ADAMTS6: variants seen among roughly 807,000 people sequenced by gnomAD.
ADAMTS6 encodes A disintegrin and metalloproteinase with thrombospondin motifs 6.
A neutral mutation model predicts 144.3 loss-of-function variants in ADAMTS6; 23 were observed. That is an observed-to-expected ratio of 0.16 (90% CI 0.11 to 0.23). The LOEUF (loss-of-function observed/expected upper bound fraction) is 0.23. Among genes scored for constraint, ADAMTS6 ranks in the 10% least tolerant of loss-of-function variants. ADAMTS6 has a pLI of 1.00. For synonymous variants in ADAMTS6, 444 were observed against 457.5 expected (o/e 0.97, Z 0.38); for missense variants, 999 against 1,379.6 (o/e 0.72, Z 4.37).
At chr5:65,260,463 C>T in intron 14 of ADAMTS6, 137 bp downstream of exon 14, 1 of 673,590 alleles carries the variant, frequency 1.5e-6, no homozygotes, top group Non-Finnish European at 2.6e-6. Context: ...CAGCTCCATT[C>T]ATTATTAACA....
At chr5:65,358,131 A>G (rs1169120895) in intron 7 of ADAMTS6, among the ~76,000 whole-genome samples, 3 of 151,992 alleles carry the variant, frequency 2.0e-5, no homozygotes, top group African/African-American at 7.2e-5. Context: ...ATCATTCACC[A>G]TGAGTAAATG....
chr5:65,460,051 A>ACC, intron 4 of ADAMTS6, 119 bp downstream of exon 4: 1 of 1,110,848 alleles, frequency 9.0e-7, no homozygotes, highest in Non-Finnish European at 1.2e-6. Flanking sequence ...GGCTCTGGAC[A>ACC]TTATAATTGT....
At chr5:65,283,485 A>G (rs1260095725) in intron 11 of ADAMTS6, among the ~76,000 whole-genome samples, 14 of 152,230 alleles carry the variant, frequency 9.2e-5, no homozygotes, top group Non-Finnish European at 1.5e-5. Context: ...AAAAACCTCT[A>G]AGAAGCAAAT....
At position 65,420,961 on chromosome 5, in the gene ADAMTS6, C is replaced by T. The variant is rs374094215; in HGVS notation, c.1073+30514G>A. On this transcript the variant is annotated intron_variant, in intron 7 of 24. Transcript: ENST00000381055. ...TACCTCGAGTCTGTAAGAATTCTTA[C>T]ATGTTAAATGAGTCTCTTGAAAAAA... 2.6e-4 allele frequency among the ~76,000 whole-genome samples: 39 copies of T among 152,170 alleles called. No individual in the cohort carries two copies. In the Middle Eastern group the frequency reaches 0.024, roughly 94 times the overall value.
intron 7 of ADAMTS6, among the ~76,000 whole-genome samples, chr5:65,433,838 A>G (rs1757181833): frequency 6.6e-6 from 1 of 152,194 alleles, no homozygotes; most frequent in African/African-American, 2.4e-5. Context: ...GCCACTTTGG[A>G]AAACAGCCTG....
chr5:65,176,123 A>G (rs557003382), intron 22 of ADAMTS6, among the ~76,000 whole-genome samples: 2 of 140,598 alleles, frequency 1.4e-5, no homozygotes, highest in South Asian at 4.3e-4. Context: ...AAAAGGGAAA[A>G]AAAGGGGGGG....
intron 3 of ADAMTS6, among the ~76,000 whole-genome samples, chr5:65,468,240 A>T (rs1760173638): frequency 6.6e-6 from 1 of 152,174 alleles, no homozygotes; most frequent in South Asian, 2.1e-4. Context: ...CTCTGCATTA[A>T]CAACTATTTT....
chr5:65,196,541 A>G (rs1755386640), intron 21 of ADAMTS6, among the ~76,000 whole-genome samples: 1 of 150,006 alleles, frequency 6.7e-6, no homozygotes, highest in Non-Finnish European at 1.5e-5. Context: ...AAAAAAAAAA[A>G]AAAAAAAAAA....
intron 7 of ADAMTS6, among the ~76,000 whole-genome samples, chr5:65,386,527 T>G (rs1752487075): frequency 6.6e-6 from 1 of 152,170 alleles, no homozygotes; most frequent in Admixed American, 6.5e-5. Context: ...TAATTTATAC[T>G]ACCAAGCACA....
intron 9 of ADAMTS6, among the ~76,000 whole-genome samples, chr5:65,326,113 T>C (rs1746145011): frequency 6.6e-6 from 1 of 152,142 alleles, no homozygotes; most frequent in Admixed American, 6.6e-5. Context: ...TGAGTATTTT[T>C]AAGACCCCTT....
At chr5:65,402,964 C>T (rs1198206072) in intron 7 of ADAMTS6, among the ~76,000 whole-genome samples, 1 of 152,014 alleles carries the variant, frequency 6.6e-6, no homozygotes, top group Non-Finnish European at 1.5e-5. Flanking sequence ...ACTTCCTTTT[C>T]TTCCTTTTTT....
chr5:65,256,985 C>CTCTCTCTTT (rs765554792), intron 14 of ADAMTS6, among the ~76,000 whole-genome samples: 11 of 88,672 alleles, frequency 1.2e-4, no homozygotes, highest in African/African-American at 1.7e-4. Flanking sequence ...CTCTCTCTCT[C>CTCTCTCTTT]TTTTTTTTTT....
At chr5:65,319,704 GAGGGAGGGAGGGA>G (rs1745366922) in intron 9 of ADAMTS6, among the ~76,000 whole-genome samples, 1 of 47,786 alleles carries the variant, frequency 2.1e-5, no homozygotes, top group African/African-American at 1.3e-4. Flanking sequence ...GGAAGGGAGG[GAGGGAGGGAGGGA>G]AGGGAGGGAG....
chr5:65,202,785 T>C (rs902007614), intron 20 of ADAMTS6, among the ~76,000 whole-genome samples: 2 of 152,214 alleles, frequency 1.3e-5, no homozygotes, highest in African/African-American at 2.4e-5. Context: ...TGTTCCTTTG[T>C]TTTTTCTCAT....
Position 65,273,409 on chromosome 5 carries a change from G to T in ADAMTS6, c.1551C>A (p.Asn517Lys). The T allele has an allele frequency of 1.2e-6, 2 of 1,613,876 alleles. No homozygotes were observed. Among genetic ancestry groups the T allele is most frequent in the South Asian group, 1.1e-5 (1 of 91,064 alleles). The change falls in exon 12 of 25, where the codon AAC (asparagine) becomes AAA (lysine). Residue 517 changes from asparagine (N) to lysine (K), a missense_variant. Physicochemically the swap from Asn to Lys is moderately conservative, Grantham distance 94. Around this residue, in one of 3 missense-constraint regions of ADAMTS6, gnomAD observed 619 missense variants for 837.0 expected, o/e 0.74. Coordinates refer to ENST00000381055, the MANE Select transcript of ADAMTS6 (RefSeq NM_197941.4). ...CTGGAATACTGTTGGTGACACAGCG[G>T]TTGCTTTTGCTGAGACACCAGAGCT... ...CRELWCLSKS[N>K]RCVTNSIPAA... is the part of the protein sequence containing the mutation.
At chr5:65,325,563 A>T (rs1746082339) in intron 9 of ADAMTS6, among the ~76,000 whole-genome samples, 1 of 150,594 alleles carries the variant, frequency 6.6e-6, no homozygotes, top group East Asian at 2.0e-4. Context: ...GATCACGATC[A>T]TGGTTCACTA....
intron 7 of ADAMTS6, among the ~76,000 whole-genome samples, chr5:65,382,908 A>T (rs1251802878): frequency 1.3e-5 from 2 of 152,204 alleles, no homozygotes; most frequent in African/African-American, 4.8e-5. Context: ...GAGGCTGGGA[A>T]GTCCAAGGTC....
At chr5:65,196,327 C>A (rs114140462) in intron 21 of ADAMTS6, among the ~76,000 whole-genome samples, 5 of 151,598 alleles carry the variant, frequency 3.3e-5, no homozygotes, top group Non-Finnish European at 2.9e-5. Context: ...ACGAGGTGAT[C>A]CTGGCTAACA....
At chr5:65,391,559 G>A (rs6861993) in intron 7 of ADAMTS6, among the ~76,000 whole-genome samples, 16,851 of 151,652 alleles carry the variant, frequency 0.11, 1,077 homozygotes, top group African/African-American at 0.15. Flanking sequence ...AATTTACATT[G>A]CAACACTTTT....
Sources: allele counts gnomAD v4.1 joint callset (sites outside exome capture counted in the v4.1 genomes callset), GRCh38; gene constraint gnomAD v4.1.1; regional missense constraint gnomAD v4.1.1; transcripts MANE v1.5; gene names NCBI Gene and HGNC (gene_info 2026-07-23, HGNC 2026-07-21).